NETO2: variants seen among roughly 807,000 people sequenced by gnomAD.
NETO2 encodes the protein neuropilin and tolloid like 2.
Under a neutral mutation model 62.5 loss-of-function variants are expected in NETO2, and 28 were observed. The ratio of observed to expected loss-of-function variants is 0.45; its 90% CI spans 0.33 to 0.61. The LOEUF is 0.61. Among genes scored for constraint, NETO2 ranks in the 20% least tolerant of loss-of-function variants. NETO2 has a pLI of 0.02. For synonymous variants in NETO2, 214 were observed against 219.1 expected (o/e 0.98, Z 0.21); for missense variants, 548 against 643.2 (o/e 0.85, Z 1.60).
At chr16:47,115,980 T>A (rs1481324003) in intron 6 of NETO2, among the ~76,000 whole-genome samples, 2 of 151,850 alleles carry the variant, frequency 1.3e-5, no homozygotes, top group Admixed American at 1.3e-4. Flanking sequence ...GACAACGATA[T>A]CTTCAAAAAG....
At chr16:47,084,625 A>G (rs912477200) in intron 8 of NETO2, among the ~76,000 whole-genome samples, 1 of 152,238 alleles carries the variant, frequency 6.6e-6, no homozygotes, top group Non-Finnish European at 1.5e-5. Flanking sequence ...AGTCCAATAG[A>G]GTAGTATTAA....
chr16:47,091,186 G>A lies in NETO2; in HGVS notation c.884-4847C>T, dbSNP rs112829879. ...AATCACACACACTTTTTCTGAAGGG[G>A]CGGCTTTCTTCTTTTTCTTGGGTAA... is the stretch of plus-strand genomic sequence containing the variant. On this transcript the variant is annotated intron_variant, in intron 7 of 8. Coordinates refer to ENST00000562435, the MANE Select transcript of NETO2 (RefSeq NM_018092.5). Among the ~76,000 whole-genome samples, 310 of 152,214 alleles carry A rather than the reference G, an allele frequency of 2.0e-3. 4 individuals are homozygous for A. The highest frequency in any genetic ancestry group is 7.1e-3 in the African/African-American group (295 of 41,536).
intron 7 of NETO2, among the ~76,000 whole-genome samples, chr16:47,092,085 C>A (rs1281946808): frequency 6.7e-6 from 1 of 149,282 alleles, no homozygotes; most frequent in Non-Finnish European, 1.5e-5. Flanking sequence ...TGGTCTCAGG[C>A]AATCTTCCCA....
intron 1 of NETO2, among the ~76,000 whole-genome samples, chr16:47,133,148 A>C (rs1964300737): frequency 6.6e-6 from 1 of 152,206 alleles, no homozygotes; most frequent in Non-Finnish European, 1.5e-5. Context: ...AGAAGGCATA[A>C]TGGAAGCAGA....
chr16:47,116,559 T>C (rs1422760821), intron 6 of NETO2, among the ~76,000 whole-genome samples: 2 of 152,234 alleles, frequency 1.3e-5, no homozygotes, highest in East Asian at 3.8e-4. Flanking sequence ...TCTATTTTCT[T>C]GACGAATACT....
chr16:47,106,488 G>A (rs1336885330), intron 7 of NETO2, among the ~76,000 whole-genome samples: 11 of 151,826 alleles, frequency 7.2e-5, no homozygotes, highest in Admixed American at 7.2e-4. Flanking sequence ...GAAAAAAAAA[G>A]CTACAACCCT....
intron 7 of NETO2, among the ~76,000 whole-genome samples, chr16:47,101,570 T>C (rs1036255251): frequency 6.6e-6 from 1 of 152,226 alleles, no homozygotes; most frequent in Non-Finnish European, 1.5e-5. Flanking sequence ...TTAAAGCTGA[T>C]AAGCAACTTC....
At chr16:47,100,762 G>A (rs1315471760) in intron 7 of NETO2, among the ~76,000 whole-genome samples, 1 of 152,116 alleles carries the variant, frequency 6.6e-6, no homozygotes, top group East Asian at 1.9e-4. Context: ...GGAAGAAGTT[G>A]AATCCCTGAG....
At chr16:47,088,472 T>G (rs1354552280) in intron 7 of NETO2, among the ~76,000 whole-genome samples, 2 of 152,230 alleles carry the variant, frequency 1.3e-5, no homozygotes, top group African/African-American at 4.8e-5. Context: ...GCCTAAAAGA[T>G]TCTGTACTTT....
intron 8 of NETO2, among the ~76,000 whole-genome samples, chr16:47,084,420 G>A (rs1033002088): frequency 6.6e-6 from 1 of 152,200 alleles, no homozygotes; most frequent in Non-Finnish European, 1.5e-5. Flanking sequence ...GGTGAGCTGC[G>A]AGTGAGCGAG....
intron 1 of NETO2, among the ~76,000 whole-genome samples, chr16:47,141,985 C>G (rs967122254): frequency 1.3e-4 from 20 of 152,166 alleles, no homozygotes; most frequent in Admixed American, 6.5e-4. Context: ...GCAGGTAAAG[C>G]GGTGTGACAG....
intron 1 of NETO2, among the ~76,000 whole-genome samples, chr16:47,138,415 A>G (rs934167086): frequency 2.6e-5 from 4 of 152,162 alleles, no homozygotes; most frequent in African/African-American, 9.7e-5. Flanking sequence ...AAACAAAACA[A>G]AAACACTTGC....
At position 47,080,372 on chromosome 16, in the gene NETO2, G is replaced by T. The variant is rs1235899895; in HGVS notation, c.*2849C>A. ...GTGTTCAACACTGGGACACTGTGTG[G>T]GGTACCCTGCGTGACAGTTAATACT... On this transcript the variant is annotated 3_prime_UTR_variant, in exon 9 of 9. Transcript: ENST00000562435. The T allele has an allele frequency of 6.6e-6, 1 of 152,144 alleles. No homozygotes were observed. Among genetic ancestry groups the T allele is most frequent in the Non-Finnish European group, 1.5e-5 (1 of 68,012 alleles). 9.4% of individuals were successfully genotyped at this position (152,144 alleles called of 1,614,324 possible).
At chr16:47,095,222 G>A (rs1963405137) in intron 7 of NETO2, among the ~76,000 whole-genome samples, 1 of 151,776 alleles carries the variant, frequency 6.6e-6, no homozygotes, top group Admixed American at 6.6e-5. Flanking sequence ...TACACAAAAG[G>A]AAATGCGAAG....
At chr16:47,124,146 A>G (rs1964104927) in intron 4 of NETO2, among the ~76,000 whole-genome samples, 2 of 152,250 alleles carry the variant, frequency 1.3e-5, no homozygotes, top group Non-Finnish European at 2.9e-5. Flanking sequence ...TATGTAGAAT[A>G]TATCTCAGCA....
intron 8 of NETO2, among the ~76,000 whole-genome samples, chr16:47,084,931 A>G (rs1963151603): frequency 6.6e-6 from 1 of 152,134 alleles, no homozygotes; most frequent in Admixed American, 6.5e-5. Context: ...AATAAATGTA[A>G]CGCGCTTAAA....
At chr16:47,137,277 CA>C (rs1964377171) in intron 1 of NETO2, among the ~76,000 whole-genome samples, 1 of 152,196 alleles carries the variant, frequency 6.6e-6, no homozygotes, top group African/African-American at 2.4e-5. Context: ...GGAGTACTTT[CA>C]GAGACTCTGA....
At chr16:47,122,841 A>T (rs897241099) in intron 5 of NETO2, 27 bp downstream of exon 5, 14 of 1,613,944 alleles carry the variant, frequency 8.7e-6, no homozygotes, top group Non-Finnish European at 1.2e-5. Flanking sequence ...AAAAATGCCA[A>T]GAGGAACAAG....
At chr16:47,124,209 T>G (rs1034143688) in intron 4 of NETO2, among the ~76,000 whole-genome samples, 1 of 152,200 alleles carries the variant, frequency 6.6e-6, no homozygotes, top group Non-Finnish European at 1.5e-5. Context: ...AAGAGGACAA[T>G]AGACACTTCT....
Sources: allele counts gnomAD v4.1 joint callset (sites outside exome capture counted in the v4.1 genomes callset), GRCh38; gene constraint gnomAD v4.1.1; transcripts MANE v1.5; gene names NCBI Gene and HGNC (gene_info 2026-07-23, HGNC 2026-07-21).